Variants in RSPH9 observed in about 807,000 individuals in gnomAD.
RSPH9 encodes radial spoke head protein 9 homolog.
In RSPH9, 27 loss-of-function variants were observed where a neutral mutation model predicts 27.0. The ratio of observed to expected loss-of-function variants is 1.00; its 90% confidence interval spans 0.74 to 1.38. The LOEUF (loss-of-function observed/expected upper bound fraction) is 1.38, where lower values mean the gene tolerates loss of function less well. RSPH9 is among the 40% of genes most tolerant of loss of function. The probability of loss-of-function intolerance (pLI) is 0.00; values close to 1 mark genes in which losing one functional copy is unlikely to be tolerated. For missense variants in RSPH9, 347 were observed against 357.4 expected, an observed-to-expected ratio of 0.97 and a Z score of 0.24; for synonymous variants, 145 against 147.7, an observed-to-expected ratio of 0.98 and a Z score of 0.13.
rs188017281 is a variant in RSPH9 at position 43,646,336 on chromosome 6, G to A, written c.227+1011G>A. On this transcript the variant is annotated intron_variant, in intron 1 of 4. Coordinates refer to ENST00000372163, the MANE Select transcript of RSPH9 (RefSeq NM_152732.5). ...TTTTTAGTAGAGACGGGGTTTCACC[G>A]TGTTAGCTAGGATGGTCTCGATCTC... Among the ~76,000 whole-genome samples, 22 of 151,038 alleles carry A rather than the reference G, an allele frequency of 1.5e-4. No individual in the cohort carries two copies. In the East Asian group the frequency reaches 4.3e-3, roughly 30 times the overall value.
intron 4 of RSPH9, among the ~76,000 whole-genome samples, chr6:43,668,516 T>C (rs899174439): frequency 6.6e-6 from 1 of 152,044 alleles, no homozygotes; most frequent in Non-Finnish European, 1.5e-5. Flanking sequence ...GCTCTCTGGG[T>C]AGGAGCCCCT....
Position 43,672,001 on chromosome 6 carries a change from T to G in RSPH9, c.*1052T>G. On this transcript the variant is annotated 3_prime_UTR_variant, in exon 5 of 5. Transcript: ENST00000372163. Reference sequence around the variant, plus strand: ...CTACCTCCTCAGGCCAGGCCACGGTTGGGCAAGCAAATCCTTTCACCAGTT... The same window carrying G: ...CTACCTCCTCAGGCCAGGCCACGGTGGGGCAAGCAAATCCTTTCACCAGTT... 1.5e-4 allele frequency: 206 copies of G among 1,374,628 alleles called. No individual in the cohort carries two copies. The highest frequency in any genetic ancestry group is 1.8e-4 in the Non-Finnish European group (187 of 1,032,756). The allele number at this position is 1,374,628 out of a possible 1,614,324, so 85.2% of individuals were successfully genotyped here.
chr6:43,649,393 T>C (rs1053647246), intron 1 of RSPH9, among the ~76,000 whole-genome samples: 4 of 151,988 alleles, frequency 2.6e-5, no homozygotes, highest in Non-Finnish European at 5.9e-5. Flanking sequence ...GGTTTCACCA[T>C]GTTGGCCAGG....
At chr6:43,654,855 A>G (rs1771846432) in intron 2 of RSPH9, among the ~76,000 whole-genome samples, 1 of 152,042 alleles carries the variant, frequency 6.6e-6, no homozygotes, top group Non-Finnish European at 1.5e-5. Flanking sequence ...TAATAAAAAA[A>G]GACAAAAATT....
chr6:43,659,728 TTTA>T (rs1210288771), intron 4 of RSPH9, among the ~76,000 whole-genome samples: 2 of 150,872 alleles, frequency 1.3e-5, no homozygotes, highest in East Asian at 1.9e-4. Context: ...TTTATTTTTA[TTTA>T]TTATTATTAT....
chr6:43,655,359 G>A (rs1298704014), intron 2 of RSPH9, among the ~76,000 whole-genome samples: 1 of 152,188 alleles, frequency 6.6e-6, no homozygotes, highest in East Asian at 1.9e-4. Context: ...CCACCCTTAT[G>A]TATTACGAAT....
chr6:43,646,586 T>C (rs1770892922), intron 1 of RSPH9, among the ~76,000 whole-genome samples: 1 of 151,222 alleles, frequency 6.6e-6, no homozygotes. Flanking sequence ...CAGCCTCTTT[T>C]TGACTAAAGG....
In RSPH9 at chr6:43,655,653, C is replaced by A; in HGVS notation, c.485C>A (p.Thr162Asn). The A allele has an allele frequency of 6.2e-7, 1 of 1,614,238 alleles. No homozygotes were observed. The highest frequency in any genetic ancestry group is 8.5e-7 in the Non-Finnish European group (1 of 1,180,036). Residue 162 changes from threonine to asparagine, a missense_variant, in exon 3 of 5, where the codon ACC (threonine) becomes AAC (asparagine). Transcript: ENST00000372163. Reference protein sequence around the residue: ...AIIPRGALFKTPFGPTHVNRT... With the variant: ...AIIPRGALFKNPFGPTHVNRT... The stretch of plus-strand genomic sequence containing the variant: ...ATCCCCCGAGGCGCCCTCTTCAAGA[C>A]CCCTTTTGGACCCACCCATGTCAAT...
intron 4 of RSPH9, among the ~76,000 whole-genome samples, chr6:43,665,537 A>T (rs1773052931): frequency 1.3e-5 from 2 of 152,184 alleles, no homozygotes; most frequent in South Asian, 4.1e-4. Context: ...GAGGTGTGGC[A>T]TCTGGGCCTG....
intron 4 of RSPH9, among the ~76,000 whole-genome samples, chr6:43,662,646 C>T (rs1018123010): frequency 3.3e-5 from 5 of 152,102 alleles, no homozygotes; most frequent in South Asian, 4.2e-4. Context: ...GGATTACAGG[C>T]GTGAGCCACC....
chr6:43,672,343 C>A lies in RSPH9; in HGVS notation c.*1394C>A, dbSNP rs1000628468. ...GCTACCCCAACCTTCAGGGAACTCC[C>A]CAGGGTACTATAACTGGTATAAGAC... On this transcript the variant is annotated 3_prime_UTR_variant, in exon 5 of 5. Transcript: ENST00000372163. 1 of 472,704 alleles carries A rather than the reference C, an allele frequency of 2.1e-6. No individual in the cohort carries two copies. 29.3% of individuals were successfully genotyped at this position (472,704 alleles called of 1,614,324 possible).
chr6:43,647,392 G>A (rs991123222), intron 1 of RSPH9, among the ~76,000 whole-genome samples: 7 of 152,194 alleles, frequency 4.6e-5, no homozygotes, highest in African/African-American at 1.7e-4. Context: ...AGTGTGGTGA[G>A]CACTGTGGTT....
chr6:43,662,188 AC>A (rs1772698304), intron 4 of RSPH9, among the ~76,000 whole-genome samples: 1 of 151,970 alleles, frequency 6.6e-6, no homozygotes, highest in African/African-American at 2.4e-5. Flanking sequence ...CAATGAACTA[AC>A]CTTTGTTAGC....
Position 43,650,654 on chromosome 6 carries a change from C to A in RSPH9, c.393+114C>A, listed in dbSNP as rs1048697478. 3 of 1,121,870 alleles carry A rather than the reference C, an allele frequency of 2.7e-6. No individual in the cohort carries two copies. In the African/African-American group the frequency reaches 4.6e-5, roughly 17 times the overall value. 69.5% of individuals were successfully genotyped at this position (1,121,870 alleles called of 1,614,324 possible). On this transcript the variant is annotated intron_variant, in intron 2 of 4. Coordinates refer to ENST00000372163, the MANE Select transcript of RSPH9 (RefSeq NM_152732.5). ...GGGCACGGTGGCTCACGCCTGTAAT[C>A]TCAGCACTTTGAGAGGCTGAGGCGG...
chr6:43,661,660 CAAAA>C (rs758308013), intron 4 of RSPH9, among the ~76,000 whole-genome samples: 1 of 90,816 alleles, frequency 1.1e-5, no homozygotes, highest in African/African-American at 4.3e-5. Context: ...GACTCTGTCT[CAAAA>C]AAAAAAAAAA....
intron 3 of RSPH9, among the ~76,000 whole-genome samples, chr6:43,655,930 T>C (rs1348744010): frequency 6.6e-6 from 1 of 152,118 alleles, no homozygotes; most frequent in Non-Finnish European, 1.5e-5. Context: ...AGTCCCTTGG[T>C]CCCAGGGCTT....
Position 43,645,122 on chromosome 6 carries a change from G to A in RSPH9, c.24G>A (p.Leu8=). 2 of 1,612,812 alleles carry A rather than the reference G, an allele frequency of 1.2e-6. No homozygotes were observed. Among genetic ancestry groups the A allele is most frequent in the Non-Finnish European group, 1.7e-6 (2 of 1,179,984 alleles). MDADSLL[L]SLELASGSGQ... is the part of the protein sequence containing the mutation. ...TGATGGACGCCGACAGCCTCCTGCT[G>A]TCTCTGGAGCTGGCGTCCGGCAGTG... Residue 8 remains leucine (L), a synonymous_variant, in exon 1 of 5, where the codon CTG becomes CTA. Coordinates refer to ENST00000372163, the MANE Select transcript of RSPH9 (RefSeq NM_152732.5).
At position 43,645,066 on chromosome 6, in the gene RSPH9, A is replaced by C; in HGVS notation, c.-33A>C. The C allele has an allele frequency of 6.3e-7, 1 of 1,590,980 alleles. No individual in the cohort carries two copies. Among genetic ancestry groups the C allele is most frequent in the Non-Finnish European group, 8.6e-7 (1 of 1,166,216 alleles). On this transcript the variant is annotated 5_prime_UTR_variant, in exon 1 of 5. Transcript: ENST00000372163. ...TCCATGGAGGCGGCTTCTCCTAGCA[A>C]CTCGACGGGCGTTGAGCGGAGCCGC...
chr6:43,656,744 G>T, intron 4 of RSPH9, 21 bp downstream of exon 4: 1 of 1,613,414 alleles, frequency 6.2e-7, no homozygotes, highest in Non-Finnish European at 8.5e-7. Flanking sequence ...ATTACCTGGA[G>T]GCCATGGGAT....
Sources: gnomAD v4.1 joint callset for allele counts (sites outside exome capture counted in the v4.1 genomes callset) on GRCh38, gnomAD v4.1.1 for gene constraint, MANE v1.5 for transcripts, NCBI Gene and HGNC (gene_info 2026-07-23, HGNC 2026-07-21) for gene names.